NFAT5: variants seen among roughly 807,000 people sequenced by gnomAD.
NFAT5 encodes nuclear factor of activated T-cells 5.
A neutral mutation model predicts 166.5 loss-of-function variants in NFAT5; 31 were observed. The ratio of observed to expected loss-of-function variants is 0.19; its 90% CI spans 0.14 to 0.25. The LOEUF is 0.25. Among genes scored for constraint, NFAT5 ranks in the 10% least tolerant of loss-of-function variants. NFAT5 has a pLI of 1.00. For synonymous variants in NFAT5, 612 were observed against 639.7 expected, an observed-to-expected ratio of 0.96 and a Z score of 0.65; for missense variants, 1,449 against 1,821.8, an observed-to-expected ratio of 0.80 and a Z score of 3.72.
At position 69,694,163 on chromosome 16, in the gene NFAT5, C is replaced by G; in HGVS notation, c.4338C>G (p.Gly1446=). ...QATLFHNTAG[G]TMNQLQNSPG... ...CTTTATTTCACAACACAGCAGGAGG[C>G]ACAATGAACCAACTGCAGAATTCTC... Residue 1446 remains glycine, a synonymous_variant, in exon 13 of 15, where the codon GGC becomes GGG. Coordinates refer to ENST00000349945, the MANE Select transcript of NFAT5 (RefSeq NM_138713.4). 5 of 1,614,212 alleles carry G rather than the reference C, an allele frequency of 3.1e-6. No individual in the cohort carries two copies. Among genetic ancestry groups the G allele is most frequent in the Non-Finnish European group, 4.2e-6 (5 of 1,180,032 alleles).
At chr16:69,592,593 GT>G (rs533450536) in intron 2 of NFAT5, among the ~76,000 whole-genome samples, 1 of 152,030 alleles carries the variant, frequency 6.6e-6, no homozygotes, top group South Asian at 2.1e-4. Flanking sequence ...AAGTGAAGCT[GT>G]TTTTTTCCCT....
intron 2 of NFAT5, among the ~76,000 whole-genome samples, chr16:69,587,792 G>T (rs753252971): frequency 2.0e-4 from 30 of 152,084 alleles, no homozygotes; most frequent in Non-Finnish European, 3.2e-4. Flanking sequence ...ATAAATGAGA[G>T]AATAGGAATA....
rs1235751584 is a variant in NFAT5 at position 69,701,533 on chromosome 16, T to A, written c.*5182T>A. 6.6e-6 allele frequency: 1 copy of A among 152,646 alleles called. No homozygotes were observed. Among genetic ancestry groups the A allele is most frequent in the Non-Finnish European group, 1.5e-5 (1 of 68,040 alleles). 9.5% of individuals were successfully genotyped at this position (152,646 alleles called of 1,614,324 possible). ...GCTTAAGAATAAAAGAAAAGGTACA[T>A]TGCTAGAATTGTTTCTTTGGGAGAG... is the stretch of plus-strand genomic sequence containing the variant. On this transcript the variant is annotated 3_prime_UTR_variant, in exon 15 of 15. Transcript: ENST00000349945.
At chr16:69,568,376 G>GTGTATA (rs1163472084) in intron 1 of NFAT5, 119 bp from the exon 2 acceptor site, 30 of 288,694 alleles carry the variant, frequency 1.0e-4, no homozygotes, top group Non-Finnish European at 1.6e-4. Flanking sequence ...GTGTGTGTGT[G>GTGTATA]TATATATATA....
intron 7 of NFAT5, among the ~76,000 whole-genome samples, chr16:69,660,580 CAT>C (rs1453575683): frequency 6.6e-6 from 1 of 152,176 alleles, no homozygotes; most frequent in Non-Finnish European, 1.5e-5. Context: ...CAAATAACAA[CAT>C]GTCAGAAGTT....
chr16:69,661,539 T>TA (rs1037382239), intron 7 of NFAT5, among the ~76,000 whole-genome samples: 829 of 37,882 alleles, frequency 0.022, 53 homozygotes, highest in African/African-American at 0.033. Flanking sequence ...CCCAGTCTCT[T>TA]AAAAAAAAAA....
chr16:69,612,093 T>C (rs1196201063), intron 2 of NFAT5, among the ~76,000 whole-genome samples: 1 of 152,242 alleles, frequency 6.6e-6, no homozygotes, highest in Admixed American at 6.5e-5. Context: ...TAGCAGTGTT[T>C]CTGAAATAAT....
At chr16:69,592,875 T>A (rs1012247979) in intron 2 of NFAT5, among the ~76,000 whole-genome samples, 2 of 152,202 alleles carry the variant, frequency 1.3e-5, no homozygotes, top group African/African-American at 4.8e-5. Flanking sequence ...CTTGGGAGTT[T>A]GAAGTTGAGC....
intron 2 of NFAT5, among the ~76,000 whole-genome samples, chr16:69,614,651 C>T (rs1176174164): frequency 6.6e-6 from 1 of 152,062 alleles, no homozygotes; most frequent in Non-Finnish European, 1.5e-5. Context: ...AGAATATTCC[C>T]TTATGTAACC....
chr16:69,646,352 T>C (rs1017495372), intron 3 of NFAT5, among the ~76,000 whole-genome samples: 6 of 152,220 alleles, frequency 3.9e-5, no homozygotes, highest in African/African-American at 1.4e-4. Flanking sequence ...CTTTTTCATC[T>C]TGATTCTCCT....
At chr16:69,648,588 A>G (rs1222209053) in intron 4 of NFAT5, 3 of 984,476 alleles carry the variant, frequency 3.0e-6, no homozygotes, top group African/African-American at 1.7e-5. Flanking sequence ...TTCAATAGCT[A>G]TGTTACAGAA....
At chr16:69,678,136 C>T (rs1338196833) in intron 10 of NFAT5, among the ~76,000 whole-genome samples, 1 of 150,858 alleles carries the variant, frequency 6.6e-6, no homozygotes, top group Non-Finnish European at 1.5e-5. Context: ...CCAGCCTGGG[C>T]GATAGAGCGA....
At chr16:69,603,294 G>C (rs1175458686) in intron 2 of NFAT5, among the ~76,000 whole-genome samples, 1 of 151,998 alleles carries the variant, frequency 6.6e-6, no homozygotes, top group Non-Finnish European at 1.5e-5. Context: ...ATAACCTAAA[G>C]TGTGCAAATA....
Position 69,697,203 on chromosome 16 carries a change from A to G in NFAT5, c.*852A>G, listed in dbSNP as rs1028177858. 5 of 152,536 alleles carry G rather than the reference A, an allele frequency of 3.3e-5. No individual in the cohort carries two copies. Among genetic ancestry groups the G allele is most frequent in the African/African-American group, 1.2e-4 (5 of 41,426 alleles). The allele number at this position is 152,536 out of a possible 1,614,324, so 9.4% of individuals were successfully genotyped here. On this transcript the variant is annotated 3_prime_UTR_variant, in exon 15 of 15. Coordinates refer to ENST00000349945, the MANE Select transcript of NFAT5 (RefSeq NM_138713.4). ...TTAGGCTGGTATTCCCTTTTTATAT[A>G]TATCTATATTACTTTTCACCTCTTT...
chr16:69,642,681 G>T (rs2035263616), intron 3 of NFAT5, among the ~76,000 whole-genome samples: 1 of 151,962 alleles, frequency 6.6e-6, no homozygotes. Flanking sequence ...GCCGGACGTG[G>T]TGGCGGGTGC....
chr16:69,616,559 C>G (rs1045689290), intron 2 of NFAT5, among the ~76,000 whole-genome samples: 2 of 152,086 alleles, frequency 1.3e-5, no homozygotes, highest in African/African-American at 2.4e-5. Flanking sequence ...CACCTCCCAC[C>G]CTAGGCAGAC....
At chr16:69,641,132 G>C (rs1275226982) in intron 3 of NFAT5, among the ~76,000 whole-genome samples, 1 of 151,538 alleles carries the variant, frequency 6.6e-6, no homozygotes, top group Non-Finnish European at 1.5e-5. Flanking sequence ...ACAAAAATTA[G>C]CCAGGTGTGG....
intron 6 of NFAT5, among the ~76,000 whole-genome samples, chr16:69,658,760 G>A (rs1054237036): frequency 1.3e-5 from 2 of 152,172 alleles, no homozygotes; most frequent in African/African-American, 4.8e-5. Context: ...CCAGGAGGGA[G>A]AGGTTGTAGT....
intron 7 of NFAT5, among the ~76,000 whole-genome samples, chr16:69,664,443 C>T (rs895764030): frequency 6.6e-6 from 1 of 152,064 alleles, no homozygotes; most frequent in Admixed American, 6.6e-5. Flanking sequence ...CATTACCACG[C>T]CTGGCTAATT....
Sources: allele counts gnomAD v4.1 joint callset (sites outside exome capture counted in the v4.1 genomes callset), GRCh38; gene constraint gnomAD v4.1.1; transcripts MANE v1.5; gene names NCBI Gene and HGNC (gene_info 2026-07-23, HGNC 2026-07-21).